The following ROBO2 variants were observed in gnomAD, a reference collection of about 807,000 sequenced individuals.
The protein encoded by ROBO2 is roundabout guidance receptor 2.
In ROBO2, 53 loss-of-function variants were observed where a neutral mutation model predicts 160.8. That is an observed-to-expected ratio of 0.33 (90% CI 0.26 to 0.41). The LOEUF (loss-of-function observed/expected upper bound fraction) is 0.41. Ranked by LOEUF, ROBO2 falls within the 10% of genes least tolerant of loss-of-function variation. The probability of loss-of-function intolerance (pLI) is 1.00; values close to 1 mark genes in which losing one functional copy is unlikely to be tolerated. For synonymous variants in ROBO2, 664 were observed against 611.7 expected (o/e 1.09, Z -1.26); for missense variants, 1,577 against 1,722.4 (o/e 0.92, Z 1.49).
chr3:76,815,300 A>T (rs1174602141), intron 2 of ROBO2, among the ~76,000 whole-genome samples: 1 of 152,032 alleles, frequency 6.6e-6, no homozygotes, highest in Non-Finnish European at 1.5e-5. Context: ...AATCATCATC[A>T]CATCTCTGTG....
intron 2 of ROBO2, among the ~76,000 whole-genome samples, chr3:77,232,784 A>G (rs2087402367): frequency 6.6e-6 from 1 of 152,148 alleles, no homozygotes. Flanking sequence ...CTTTCAGTAG[A>G]TTAAAATTAA....
At chr3:77,600,761 A>T (rs2153691646) in intron 19 of ROBO2, among the ~76,000 whole-genome samples, 1 of 152,318 alleles carries the variant, frequency 6.6e-6, no homozygotes, top group African/African-American at 2.4e-5. Context: ...GAGAAATAAA[A>T]ATAATACTAA....
chr3:76,809,691 G>T (rs747706758), intron 2 of ROBO2, among the ~76,000 whole-genome samples: 4 of 151,932 alleles, frequency 2.6e-5, no homozygotes, highest in South Asian at 2.1e-4. Context: ...CTTATTTGTG[G>T]CTCCTTTTAA....
chr3:75,970,208 C>A (rs1333315579), intron 2 of ROBO2, among the ~76,000 whole-genome samples: 1 of 151,490 alleles, frequency 6.6e-6, no homozygotes, highest in Admixed American at 6.6e-5. Context: ...ACAGAAAATG[C>A]ACCTTTCTCT....
chr3:76,700,314 C>T (rs556092016), intron 2 of ROBO2, among the ~76,000 whole-genome samples: 1 of 152,156 alleles, frequency 6.6e-6, no homozygotes, highest in Non-Finnish European at 1.5e-5. Context: ...CTCAAATATC[C>T]TTCCCAAAGA....
intron 2 of ROBO2, among the ~76,000 whole-genome samples, chr3:76,338,626 T>C (rs1025254380): frequency 6.6e-6 from 1 of 151,884 alleles, no homozygotes; most frequent in African/African-American, 2.4e-5. Flanking sequence ...CATTGAGCTA[T>C]GATTGCCCCA....
chr3:76,640,596 AGTGTGTGT>A (rs59208285), intron 2 of ROBO2, among the ~76,000 whole-genome samples: 39 of 147,098 alleles, frequency 2.7e-4, no homozygotes, highest in East Asian at 6.3e-4. Context: ...TTTGCGTGTG[AGTGTGTGT>A]GTGTGTGTGT....
At chr3:76,932,472 G>A (rs1434968459) in intron 2 of ROBO2, among the ~76,000 whole-genome samples, 1 of 151,932 alleles carries the variant, frequency 6.6e-6, no homozygotes, top group Admixed American at 6.6e-5. Context: ...TGCTGCAGCT[G>A]TAATCCTCAG....
Position 76,537,986 on chromosome 3 carries a change from AG to A in ROBO2, c.110-560026del, listed in dbSNP as rs150014354. On this transcript the variant is annotated intron_variant, in intron 2 of 26. Transcript: ENST00000487694. ...GGCAGGAACCAGTCATAGTGGTGGA[AG>A]GTCATATGGAGGGTCAATCGGTGAA... 8.2e-3 allele frequency among the ~76,000 whole-genome samples: 1,255 copies of A among 152,180 alleles called. 20 individuals carry two copies. Among genetic ancestry groups the A allele is most frequent in the South Asian group, 0.031 (151 of 4,810 alleles).
At chr3:77,374,541 C>A (rs2072353964) in intron 2 of ROBO2, among the ~76,000 whole-genome samples, 1 of 152,084 alleles carries the variant, frequency 6.6e-6, no homozygotes, top group African/African-American at 2.4e-5. Context: ...GCCATTTAAA[C>A]TTCTGTGTAG....
At chr3:77,602,651 C>A (rs945018677) in intron 20 of ROBO2, 160 bp downstream of exon 21, 2 of 829,176 alleles carry the variant, frequency 2.4e-6, no homozygotes, top group Non-Finnish European at 3.8e-6. Flanking sequence ...TAATTCCTAC[C>A]ACCACCACCG....
chr3:77,520,041 GT>G (rs1225958439), intron 5 of ROBO2, among the ~76,000 whole-genome samples: 3 of 151,078 alleles, frequency 2.0e-5, no homozygotes, highest in African/African-American at 7.3e-5. Flanking sequence ...GAATAAACAG[GT>G]TTTTTTCTTT....
At chr3:76,575,936 C>G (rs1447791) in intron 2 of ROBO2, among the ~76,000 whole-genome samples, 1 of 151,584 alleles carries the variant, frequency 6.6e-6, no homozygotes, top group Non-Finnish European at 1.5e-5. Flanking sequence ...AAGGTGCTCT[C>G]AAGTTCTTAG....
At chr3:76,479,777 A>G (rs1162844047) in intron 2 of ROBO2, among the ~76,000 whole-genome samples, 4 of 152,202 alleles carry the variant, frequency 2.6e-5, no homozygotes, top group African/African-American at 9.6e-5. Flanking sequence ...AGAGGAATTC[A>G]GTGACTTGCC....
At chr3:77,603,004 A>G in intron 20 of ROBO2, 2 of 456,776 alleles carry the variant, frequency 4.4e-6, no homozygotes, top group Non-Finnish European at 8.8e-6. Flanking sequence ...AACCAGTCTC[A>G]GGATTTCAGC....
chr3:77,487,222 G>A (rs1298447327), intron 4 of ROBO2, among the ~76,000 whole-genome samples: 3 of 152,112 alleles, frequency 2.0e-5, no homozygotes, highest in African/African-American at 7.2e-5. Flanking sequence ...TATTAAGATT[G>A]TTGTCGGCAA....
At chr3:76,920,041 G>A (rs1162622411) in intron 2 of ROBO2, among the ~76,000 whole-genome samples, 1 of 152,106 alleles carries the variant, frequency 6.6e-6, no homozygotes, top group Non-Finnish European at 1.5e-5. Context: ...TAAAAATATA[G>A]AGTCCCTTGT....
intron 2 of ROBO2, among the ~76,000 whole-genome samples, chr3:77,237,977 C>T (rs1166484478): frequency 6.6e-6 from 1 of 152,130 alleles, no homozygotes; most frequent in East Asian, 1.9e-4. Context: ...TTTGCATTTA[C>T]CTGACGACAT....
intron 2 of ROBO2, among the ~76,000 whole-genome samples, chr3:76,156,833 G>T (rs59669458): frequency 0.022 from 3,278 of 152,258 alleles, 210 homozygotes; most frequent in East Asian, 0.21. Context: ...TCCTGGCATG[G>T]TGGTGGCACA....
Sources: allele counts gnomAD v4.1 joint callset (sites outside exome capture counted in the v4.1 genomes callset), GRCh38; gene constraint gnomAD v4.1.1; transcripts MANE v1.5; gene names NCBI Gene and HGNC (gene_info 2026-07-23, HGNC 2026-07-21).